The following SNX9 variants were observed in gnomAD, a reference collection of about 807,000 sequenced individuals.
SNX9 encodes the protein sorting nexin 9.
In SNX9, 44 loss-of-function variants were observed where a neutral mutation model predicts 89.4. That is an observed-to-expected ratio of 0.49 (90% CI 0.39 to 0.63). The LOEUF (loss-of-function observed/expected upper bound fraction) is 0.63, where lower values mean the gene tolerates loss of function less well. Ranked by LOEUF, SNX9 falls within the 30% of genes least tolerant of loss-of-function variation. The probability of loss-of-function intolerance (pLI) is 0.00; values close to 1 mark genes in which losing one functional copy is unlikely to be tolerated. For missense variants in SNX9, 578 were observed against 736.1 expected, an observed-to-expected ratio of 0.79 and a Z score of 2.49; for synonymous variants, 236 against 247.8, an observed-to-expected ratio of 0.95 and a Z score of 0.45.
At chr6:157,906,331 A>G (rs1026259601) in intron 7 of SNX9, 119 bp downstream of exon 7, 2 of 719,430 alleles carry the variant, frequency 2.8e-6, no homozygotes, top group Non-Finnish European at 4.5e-6. Flanking sequence ...TTAATGCCCC[A>G]CATAACTGAT....
rs760674143 is a variant in SNX9, at chr6:157,938,743, G to A, written c.1644G>A (p.Leu548=). 1.9e-6 allele frequency: 3 copies of A among 1,612,200 alleles called. No individual in the cohort carries two copies. In the East Asian group the frequency reaches 6.7e-5, roughly 36 times the overall value. ...GAGTCAGCATCATGTCTTACGCGTT[G>A]CAAGGTAAGATGAAAGGGTCCTTAT... ...VKRVSIMSYA[L]QAEMNHFHSN... Residue 548 remains leucine (L), a synonymous_variant, in exon 16 of 18, where the codon TTG becomes TTA. Transcript: ENST00000392185.
intron 1 of SNX9, among the ~76,000 whole-genome samples, chr6:157,851,735 G>A (rs965193231): frequency 9.2e-5 from 14 of 151,970 alleles, no homozygotes; most frequent in Admixed American, 3.3e-4. Flanking sequence ...GATTACAGGC[G>A]TTCGCTACCA....
At chr6:157,907,255 A>G (rs1422048146) in intron 7 of SNX9, among the ~76,000 whole-genome samples, 1 of 151,872 alleles carries the variant, frequency 6.6e-6, no homozygotes, top group East Asian at 1.9e-4. Flanking sequence ...TCAAGAGCGC[A>G]CAGCTCTGCC....
At chr6:157,908,628 G>A (rs1783269569) in intron 7 of SNX9, among the ~76,000 whole-genome samples, 1 of 152,164 alleles carries the variant, frequency 6.6e-6, no homozygotes, top group Admixed American at 6.5e-5. Flanking sequence ...AGGTTCCTCT[G>A]CAGCTGCCCC....
At chr6:157,927,930 AACACACACAC>A (rs71689763) in intron 11 of SNX9, among the ~76,000 whole-genome samples, 3 of 148,906 alleles carry the variant, frequency 2.0e-5, no homozygotes, top group African/African-American at 7.4e-5. Context: ...ATAGACAAGT[AACACACACAC>A]ACACACACAC....
chr6:157,899,868 T>C (rs892362292), intron 5 of SNX9, among the ~76,000 whole-genome samples: 2 of 151,944 alleles, frequency 1.3e-5, no homozygotes, highest in Non-Finnish European at 2.9e-5. Context: ...GCTTAACATA[T>C]CCCTCACCTC....
At chr6:157,839,186 A>G (rs1781644568) in intron 1 of SNX9, among the ~76,000 whole-genome samples, 1 of 152,194 alleles carries the variant, frequency 6.6e-6, no homozygotes, top group South Asian at 2.1e-4. Flanking sequence ...CTTGTGTATA[A>G]TTACTGTTAT....
chr6:157,890,019 G>GT (rs1448155495), intron 4 of SNX9, among the ~76,000 whole-genome samples: 9 of 152,310 alleles, frequency 5.9e-5, no homozygotes, highest in African/African-American at 1.7e-4. Flanking sequence ...ACAGCTAGTG[G>GT]TAAGTGATAA....
At chr6:157,882,390 A>G (rs1458301770) in intron 4 of SNX9, among the ~76,000 whole-genome samples, 1 of 152,232 alleles carries the variant, frequency 6.6e-6, no homozygotes, top group East Asian at 1.9e-4. Context: ...TGATGTTTTC[A>G]TGCCTGCTAA....
At chr6:157,892,405 G>A (rs780676428) in intron 4 of SNX9, among the ~76,000 whole-genome samples, 17 of 152,254 alleles carry the variant, frequency 1.1e-4, no homozygotes, top group Middle Eastern at 3.4e-3. Flanking sequence ...AAGATCTCCA[G>A]TTGGTAGGGT....
chr6:157,844,957 G>A (rs1002921696), intron 1 of SNX9, among the ~76,000 whole-genome samples: 2 of 152,024 alleles, frequency 1.3e-5, no homozygotes, highest in African/African-American at 4.8e-5. Context: ...TTCAGCCTGC[G>A]TCCAGGAGTG....
chr6:157,900,544 T>C (rs1036657416), intron 5 of SNX9, among the ~76,000 whole-genome samples: 1 of 152,162 alleles, frequency 6.6e-6, no homozygotes, highest in African/African-American at 2.4e-5. Context: ...CTTCTGGTCC[T>C]GCAGTGCCAA....
At chr6:157,889,373 G>C (rs1325607612) in intron 4 of SNX9, among the ~76,000 whole-genome samples, 1 of 147,744 alleles carries the variant, frequency 6.8e-6, no homozygotes, top group East Asian at 2.0e-4. Context: ...AGAGGTTGCA[G>C]TGAGCCGAGA....
chr6:157,929,653 C>T (rs1030626081), intron 12 of SNX9, among the ~76,000 whole-genome samples: 2 of 152,164 alleles, frequency 1.3e-5, no homozygotes, highest in South Asian at 4.1e-4. Flanking sequence ...CATATACCTA[C>T]TTTTCTATCA....
At position 157,823,467 on chromosome 6, in the gene SNX9, G is replaced by A; in HGVS notation, c.12+21G>A. Reference sequence around the variant, plus strand: ...CCAAGGTGAGGGGCGCGCGGCGCAGGCCGGGCCGGTCGCTCAGGCCCGGGG... The same window carrying A: ...CCAAGGTGAGGGGCGCGCGGCGCAGACCGGGCCGGTCGCTCAGGCCCGGGG... On this transcript the variant is annotated intron_variant, in intron 1 of 17. Coordinates refer to ENST00000392185, the MANE Select transcript of SNX9 (RefSeq NM_016224.5). The surrounding 1 kb of genome is among the most constrained non-coding windows in gnomAD (Gnocchi z 4.6). The A allele has an allele frequency of 8.4e-7, 1 of 1,195,814 alleles. No individual in the cohort carries two copies. Among genetic ancestry groups the A allele is most frequent in the Non-Finnish European group, 1.0e-6 (1 of 966,886 alleles). 74.1% of individuals were successfully genotyped at this position (1,195,814 alleles called of 1,614,324 possible). A position where few individuals can be genotyped will look rare whatever the true frequency, so the allele number is the denominator to read the frequency against.
At chr6:157,863,372 A>T (rs747627488) in intron 1 of SNX9, among the ~76,000 whole-genome samples, 1 of 152,190 alleles carries the variant, frequency 6.6e-6, no homozygotes, top group African/African-American at 2.4e-5. Flanking sequence ...GAATCCACTA[A>T]TGTTTATTTT....
chr6:157,845,624 A>T (rs531775897), intron 1 of SNX9, among the ~76,000 whole-genome samples: 1 of 152,226 alleles, frequency 6.6e-6, no homozygotes, highest in Non-Finnish European at 1.5e-5. Context: ...TTTCCTGTGT[A>T]TACTAGAGAG....
Position 157,823,947 on chromosome 6 carries a change from G to T in SNX9, c.12+501G>T, listed in dbSNP as rs1181746985. On this transcript the variant is annotated intron_variant, in intron 1 of 17. Coordinates refer to ENST00000392185, the MANE Select transcript of SNX9 (RefSeq NM_016224.5). This position sits in a 1 kb window ranked among gnomAD's most constrained non-coding sequence, Gnocchi z 4.6. ...GCGGCGCTTCCCGTCCCGGCCTGCG[G>T]GGGCTCGCGGCCGGGGAGGGACCGA... is the stretch of plus-strand genomic sequence containing the variant. 6.6e-6 allele frequency among the ~76,000 whole-genome samples: 1 copy of T among 152,170 alleles called. No homozygotes were observed. Among genetic ancestry groups the T allele is most frequent in the Non-Finnish European group, 1.5e-5 (1 of 68,018 alleles).
intron 3 of SNX9, among the ~76,000 whole-genome samples, chr6:157,873,529 ATC>A (rs1188921754): frequency 2.1e-5 from 3 of 142,620 alleles, no homozygotes; most frequent in South Asian, 2.1e-4. Flanking sequence ...ATGAAATTAT[ATC>A]TCAATATATC....
Sources: allele counts gnomAD v4.1 joint callset (sites outside exome capture counted in the v4.1 genomes callset), GRCh38; gene constraint gnomAD v4.1.1; non-coding constraint Gnocchi (gnomAD v3.1); transcripts MANE v1.5; gene names NCBI Gene and HGNC (gene_info 2026-07-23, HGNC 2026-07-21).